ARFGEF1: variants seen among roughly 807,000 people sequenced by gnomAD.
ARFGEF1 encodes brefeldin A-inhibited guanine nucleotide-exchange protein 1.
In ARFGEF1, 42 loss-of-function variants were observed where a neutral mutation model predicts 231.0. The observed-to-expected ratio is 0.18, with a 90% CI of 0.14 to 0.24. The LOEUF (loss-of-function observed/expected upper bound fraction) is 0.24, where lower values mean the gene tolerates loss of function less well. ARFGEF1 is among the 10% of genes least tolerant of loss of function. The probability of loss-of-function intolerance (pLI) is 1.00; values close to 1 mark genes in which losing one functional copy is unlikely to be tolerated. For synonymous variants in ARFGEF1, 710 were observed against 732.3 expected, an observed-to-expected ratio of 0.97 and a Z score of 0.49; for missense variants, 1,345 against 2,192.0, an observed-to-expected ratio of 0.61 and a Z score of 7.72.
intron 5 of ARFGEF1, among the ~76,000 whole-genome samples, chr8:67,294,517 C>T (rs1380552224): frequency 6.6e-6 from 1 of 152,102 alleles, no homozygotes; most frequent in Admixed American, 6.6e-5. Context: ...TTGTTTCTCA[C>T]ACTGGTAATG....
At chr8:67,239,559 C>A (rs1340551211) in intron 20 of ARFGEF1, among the ~76,000 whole-genome samples, 1 of 151,654 alleles carries the variant, frequency 6.6e-6, no homozygotes, top group African/African-American at 2.4e-5. Context: ...ATTCATTAAG[C>A]ACTTTTGTTT....
At chr8:67,327,966 T>C (rs1047389674) in intron 1 of ARFGEF1, among the ~76,000 whole-genome samples, 3 of 152,212 alleles carry the variant, frequency 2.0e-5, no homozygotes, top group Non-Finnish European at 1.5e-5. Context: ...AATACACTTG[T>C]ACATATATCT....
In ARFGEF1 at chr8:67,240,155, C is replaced by G; in HGVS notation, c.2979+7G>C. 6.2e-7 allele frequency: 1 copy of G among 1,607,006 alleles called. No individual in the cohort carries two copies. The highest frequency in any genetic ancestry group is 8.5e-7 in the Non-Finnish European group (1 of 1,178,378). ...AAACTGGCTACAAAGACAAAATTCT[C>G]TGTTACCTGAATGCTGAAAATGCAT... is the stretch of plus-strand genomic sequence containing the variant. On this transcript the variant is annotated splice_region_variant and intron_variant, in intron 20 of 38. Transcript: ENST00000262215.
chr8:67,224,212 T>C (rs542263849), intron 29 of ARFGEF1, among the ~76,000 whole-genome samples: 2 of 152,220 alleles, frequency 1.3e-5, no homozygotes, highest in East Asian at 3.9e-4. Flanking sequence ...TTGTTTACCA[T>C]AAAATTGAAC....
chr8:67,227,673 T>C (rs1839421227), intron 25 of ARFGEF1, 75 bp from the exon 26 acceptor site: 2 of 1,498,328 alleles, frequency 1.3e-6, no homozygotes, highest in Non-Finnish European at 9.1e-7. Context: ...TTTTTTGTTT[T>C]AGAAAAAGTA....
chr8:67,287,899 A>G, intron 7 of ARFGEF1, 56 bp downstream of exon 7: 4 of 1,226,578 alleles, frequency 3.3e-6, no homozygotes, highest in Non-Finnish European at 4.4e-6. Context: ...CAAAGTCTCC[A>G]CAGTCAGATG....
intron 19 of ARFGEF1, among the ~76,000 whole-genome samples, chr8:67,240,874 G>C (rs1334298622): frequency 6.6e-6 from 1 of 152,078 alleles, no homozygotes; most frequent in Non-Finnish European, 1.5e-5. Context: ...AATACTTACT[G>C]AAATTTTACT....
intron 14 of ARFGEF1, among the ~76,000 whole-genome samples, chr8:67,264,140 G>C (rs1167217937): frequency 6.6e-6 from 1 of 152,002 alleles, no homozygotes; most frequent in Non-Finnish European, 1.5e-5. Flanking sequence ...GGAAAAAATA[G>C]ACTTTCATTC....
intron 10 of ARFGEF1, among the ~76,000 whole-genome samples, chr8:67,271,045 G>GAAAAAAAAAAAAA (rs1563878469): frequency 2.9e-4 from 20 of 69,624 alleles, no homozygotes; most frequent in East Asian, 7.6e-4. Context: ...AAAAAAAAAG[G>GAAAAAAAAAAAAA]AAAAAGAAAA....
At chr8:67,194,460 G>A (rs946284293), downstream of ARFGEF1, among the ~76,000 whole-genome samples, 2 of 152,128 alleles carry the variant, frequency 1.3e-5, no homozygotes, top group Non-Finnish European at 2.9e-5. Flanking sequence ...TAATTGATGG[G>A]ACAGTAGGAA....
intron 30 of ARFGEF1, 96 bp downstream of exon 30, chr8:67,219,335 T>C (rs1359474346): frequency 7.1e-7 from 1 of 1,404,172 alleles, no homozygotes; most frequent in Non-Finnish European, 9.5e-7. Context: ...TAGGAATTCT[T>C]TTCTGTACTT....
chr8:67,203,944 A>C (rs1168465364), intron 35 of ARFGEF1, among the ~76,000 whole-genome samples: 14 of 152,148 alleles, frequency 9.2e-5, no homozygotes, highest in Non-Finnish European at 4.4e-5. Flanking sequence ...ACTCTGTATG[A>C]GGTACTATCT....
intron 1 of ARFGEF1, among the ~76,000 whole-genome samples, chr8:67,342,274 ACTC>A (rs779497435): frequency 6.6e-5 from 10 of 151,874 alleles, no homozygotes; most frequent in Non-Finnish European, 1.0e-4. Context: ...CCCTTTAACA[ACTC>A]CTCATCTGCC....
At chr8:67,214,636 G>A (rs1018835087) in intron 33 of ARFGEF1, among the ~76,000 whole-genome samples, 7 of 152,260 alleles carry the variant, frequency 4.6e-5, no homozygotes, top group South Asian at 2.1e-4. Flanking sequence ...GGAGCCAATC[G>A]ATCATCTCAG....
chr8:67,281,507 T>C (rs1385519312), intron 7 of ARFGEF1, among the ~76,000 whole-genome samples: 1 of 151,966 alleles, frequency 6.6e-6, no homozygotes, highest in African/African-American at 2.4e-5. Context: ...TCAAATTTAA[T>C]GGTGAAATAT....
intron 1 of ARFGEF1, among the ~76,000 whole-genome samples, chr8:67,338,117 G>A (rs906385163): frequency 2.0e-5 from 3 of 152,030 alleles, no homozygotes; most frequent in Admixed American, 6.6e-5. Context: ...TGAGTTACCT[G>A]CCCCTAGATG....
chr8:67,331,299 T>C (rs1808087409), intron 1 of ARFGEF1, among the ~76,000 whole-genome samples: 1 of 152,106 alleles, frequency 6.6e-6, no homozygotes, highest in Non-Finnish European at 1.5e-5. Context: ...AAAAATCACA[T>C]GTTGAAACCT....
chr8:67,341,053 C>T (rs1209733751), intron 1 of ARFGEF1, among the ~76,000 whole-genome samples: 1 of 152,078 alleles, frequency 6.6e-6, no homozygotes, highest in Non-Finnish European at 1.5e-5. Context: ...GTTCAATACC[C>T]TAATTTTACA....
At chr8:67,190,817 T>G (rs1387980284) in intron 5 of ARFGEF1, 2 of 1,225,486 alleles carry the variant, frequency 1.6e-6, no homozygotes, top group Non-Finnish European at 2.4e-6. Flanking sequence ...GTCTGGGTTC[T>G]GACCTGTGCT....
Sources: allele counts gnomAD v4.1 joint callset (sites outside exome capture counted in the v4.1 genomes callset), GRCh38; gene constraint gnomAD v4.1.1; transcripts MANE v1.5; gene names NCBI Gene and HGNC (gene_info 2026-07-23, HGNC 2026-07-21).